Variants in PIKFYVE observed in about 807,000 individuals in gnomAD.
PIKFYVE encodes the protein 1-phosphatidylinositol 3-phosphate 5-kinase.
PIKFYVE carries 122 observed loss-of-function variants against 257.9 expected under a neutral mutation model. That is an observed-to-expected ratio of 0.47 (90% CI 0.41 to 0.55). The LOEUF is 0.55. Ranked by LOEUF, PIKFYVE falls within the 20% of genes least tolerant of loss-of-function variation. The probability of loss-of-function intolerance (pLI) is 0.00; values close to 1 mark genes in which losing one functional copy is unlikely to be tolerated. For synonymous variants in PIKFYVE, 892 were observed against 868.9 expected, an observed-to-expected ratio of 1.03 and a Z score of -0.47; for missense variants, 2,160 against 2,536.6, an observed-to-expected ratio of 0.85 and a Z score of 3.19.
At chr2:208,273,205 C>G (rs1000818977) in intron 2 of PIKFYVE, among the ~76,000 whole-genome samples, 1 of 152,166 alleles carries the variant, frequency 6.6e-6, no homozygotes, top group South Asian at 2.1e-4. Context: ...TTAGTATGCT[C>G]AAGAAATTTC....
intron 1 of PIKFYVE, among the ~76,000 whole-genome samples, chr2:208,269,039 G>A (rs1018959144): frequency 6.6e-6 from 1 of 152,076 alleles, no homozygotes; most frequent in Non-Finnish European, 1.5e-5. Context: ...GTTGTTTTAG[G>A]TTCAGAGTAC....
chr2:208,328,350 C>CA (rs1014706615), intron 21 of PIKFYVE, 70 bp downstream of exon 21: 8 of 1,591,346 alleles, frequency 5.0e-6, no homozygotes, highest in Middle Eastern at 1.7e-4. Context: ...AAAACAAAAA[C>CA]AAAAAAACAG....
chr2:208,298,318 A>G (rs1651968072), intron 7 of PIKFYVE, among the ~76,000 whole-genome samples: 1 of 152,208 alleles, frequency 6.6e-6, no homozygotes, highest in Non-Finnish European at 1.5e-5. Flanking sequence ...TTGAAATATT[A>G]CTGATATATG....
chr2:208,331,668 G>A (rs181195984), intron 23 of PIKFYVE, among the ~76,000 whole-genome samples: 4 of 152,294 alleles, frequency 2.6e-5, no homozygotes, highest in Non-Finnish European at 5.9e-5. Context: ...GAGCCACAGC[G>A]CCTGGCCTTA....
rs1273758797 is a variant in PIKFYVE at position 208,336,148 on chromosome 2, C to T, written c.4468C>T (p.Leu1490Phe). The change falls in exon 27 of 42, where the codon CTC becomes TTC. Residue 1490 changes from leucine (L) to phenylalanine (F), a missense_variant. Leu to Phe is a conservative substitution (Grantham distance 22). Around this residue, in one of 12 missense-constraint regions of PIKFYVE, gnomAD observed 699 missense variants for 855.8 expected, o/e 0.82. Coordinates refer to ENST00000264380, the MANE Select transcript of PIKFYVE (RefSeq NM_015040.4). ...GCAACTGCAGTCGGTCTTTGAGTCACTCATTGCCAAGAAACAAAGTCTCTG... is the reference window on the plus strand; with the variant it reads ...GCAACTGCAGTCGGTCTTTGAGTCATTCATTGCCAAGAAACAAAGTCTCTG... ...PQQLQSVFES[L>F]IAKKQSLCEV... is the part of the protein sequence containing the mutation. 6.2e-7 allele frequency: 1 copy of T among 1,614,038 alleles called. No individual in the cohort carries two copies. Among genetic ancestry groups the T allele is most frequent in the South Asian group, 1.1e-5 (1 of 91,076 alleles).
chr2:208,300,895 A>T, intron 8 of PIKFYVE, 42 bp from the exon 9 acceptor site: 2 of 1,612,178 alleles, frequency 1.2e-6, no homozygotes, highest in Non-Finnish European at 1.7e-6. Flanking sequence ...GGTATATAGC[A>T]TTTTTCTCAA....
chr2:208,266,076 C>T (rs1241505567), upstream of PIKFYVE: 2 of 152,646 alleles, frequency 1.3e-5, no homozygotes, highest in Admixed American at 6.5e-5. Flanking sequence ...TGGCTTCTTC[C>T]AGGAAGGCTG....
At chr2:208,354,217 A>T (rs1423030157) in intron 40 of PIKFYVE, 58 bp downstream of exon 40, 1 of 1,563,042 alleles carries the variant, frequency 6.4e-7, no homozygotes, top group Non-Finnish European at 8.7e-7. Context: ...CAAATTTTAA[A>T]GATTCTATTG....
chr2:208,277,981 A>T (rs560779078), intron 5 of PIKFYVE, among the ~76,000 whole-genome samples: 1 of 152,344 alleles, frequency 6.6e-6, no homozygotes, highest in African/African-American at 2.4e-5. Flanking sequence ...CAAGATCGTT[A>T]GAGTAGATTA....
chr2:208,316,018 C>G (rs1052288535), intron 15 of PIKFYVE, among the ~76,000 whole-genome samples: 7 of 143,308 alleles, frequency 4.9e-5, no homozygotes, highest in African/African-American at 1.8e-4. Flanking sequence ...AATGCTATCC[C>G]TCACCCCTCC....
Position 208,325,027 on chromosome 2 carries a change from G to T in PIKFYVE, c.2448G>T (p.Gln816His), listed in dbSNP as rs989853723. ...TCHKFYMQIF[Q>H]LPNEQTKTLM... ...ACAAATTTTATATGCAGATATTTCA[G>T]TTGCCTAATGGTGAGTGATCTTTAG... Residue 816 changes from glutamine (Q) to histidine (H), a missense_variant, in exon 19 of 42, where the codon CAG becomes CAT. Coordinates refer to ENST00000264380, the MANE Select transcript of PIKFYVE (RefSeq NM_015040.4). The T allele has an allele frequency of 6.2e-7, 1 of 1,614,106 alleles. No individual in the cohort carries two copies.
chr2:208,266,162 G>A (rs1688590446), upstream of PIKFYVE: 1 of 152,366 alleles, frequency 6.6e-6, no homozygotes, highest in African/African-American at 2.4e-5. Flanking sequence ...CATCTGATCC[G>A]AGCGTCGGCC....
intron 41 of PIKFYVE, 23 bp downstream of exon 41, chr2:208,354,668 A>C: frequency 6.4e-7 from 1 of 1,562,104 alleles, no homozygotes; most frequent in Non-Finnish European, 8.8e-7. Context: ...GTTTTGTTTA[A>C]ATTGTTCACA....
chr2:208,334,943 C>G (rs186151218), intron 24 of PIKFYVE, among the ~76,000 whole-genome samples: 3 of 152,176 alleles, frequency 2.0e-5, no homozygotes, highest in Admixed American at 2.0e-4. Flanking sequence ...ACCAAAGACT[C>G]ATGAAGAATC....
intron 1 of PIKFYVE, among the ~76,000 whole-genome samples, chr2:208,268,423 CTT>C (rs35632672): frequency 0.012 from 939 of 78,662 alleles, 8 homozygotes; most frequent in African/African-American, 0.036. Flanking sequence ...CTCCAGAGCT[CTT>C]TTTTTTTTTT....
intron 12 of PIKFYVE, among the ~76,000 whole-genome samples, chr2:208,311,450 G>A (rs571839069): frequency 4.6e-5 from 7 of 152,048 alleles, no homozygotes; most frequent in African/African-American, 9.7e-5. Context: ...AGAAAATTTT[G>A]TGGAGATCCT....
chr2:208,329,098 G>A (rs1697240027), intron 21 of PIKFYVE, among the ~76,000 whole-genome samples: 1 of 151,968 alleles, frequency 6.6e-6, no homozygotes, highest in African/African-American at 2.4e-5. Context: ...TCAAATTATT[G>A]TCACAAAAAC....
At chr2:208,269,833 TG>T in intron 1 of PIKFYVE, 1 of 264,928 alleles carries the variant, frequency 3.8e-6, no homozygotes, top group South Asian at 6.3e-5. Context: ...CTCAGGGGCC[TG>T]GGGGATGGGA....
intron 26 of PIKFYVE, 35 bp from the exon 27 acceptor site, chr2:208,336,011 T>G (rs1364609133): frequency 6.2e-7 from 1 of 1,613,232 alleles, no homozygotes. Flanking sequence ...GTCTGTATAG[T>G]GTCTGTCTCC....
Sources: gnomAD v4.1 joint callset for allele counts (sites outside exome capture counted in the v4.1 genomes callset) on GRCh38, gnomAD v4.1.1 for gene constraint, gnomAD v4.1.1 regional missense constraint, MANE v1.5 for transcripts, NCBI Gene and HGNC (gene_info 2026-07-23, HGNC 2026-07-21) for gene names.